Variants in KCTD8 observed in about 807,000 individuals in gnomAD.
KCTD8 encodes the protein potassium channel tetramerization domain containing 8.
KCTD8 carries 27 observed loss-of-function variants against 31.5 expected under a neutral mutation model. The observed-to-expected ratio is 0.86, with a 90% confidence interval of 0.63 to 1.18. KCTD8 has a LOEUF of 1.18. Ranked by LOEUF, KCTD8 falls within the 50% of genes most tolerant of loss-of-function variation. KCTD8 has a pLI of 0.00. For synonymous variants in KCTD8, 290 were observed against 280.0 expected, an observed-to-expected ratio of 1.04 and a Z score of -0.36; for missense variants, 658 against 647.7, an observed-to-expected ratio of 1.02 and a Z score of -0.17.
chr4:44,244,349 C>A (rs1423916634), intron 1 of KCTD8, among the ~76,000 whole-genome samples: 1 of 151,880 alleles, frequency 6.6e-6, no homozygotes, highest in Non-Finnish European at 1.5e-5. Flanking sequence ...GCAATGATAC[C>A]CCAAAGTATG....
At chr4:44,445,426 A>G (rs1721915201) in intron 1 of KCTD8, among the ~76,000 whole-genome samples, 1 of 152,204 alleles carries the variant, frequency 6.6e-6, no homozygotes, top group Admixed American at 6.5e-5. Flanking sequence ...GGTCATTAAT[A>G]ATATGAGTAC....
intron 1 of KCTD8, among the ~76,000 whole-genome samples, chr4:44,218,498 C>T (rs1714715077): frequency 6.6e-6 from 1 of 150,846 alleles, no homozygotes; most frequent in African/African-American, 2.4e-5. Flanking sequence ...GAGATGGATA[C>T]CCCATACTCC....
At chr4:44,187,585 C>T (rs562279549) in intron 1 of KCTD8, among the ~76,000 whole-genome samples, 1 of 152,184 alleles carries the variant, frequency 6.6e-6, no homozygotes, top group Admixed American at 6.5e-5. Flanking sequence ...CTTCTAATGA[C>T]CTTCTTTTTT....
intron 1 of KCTD8, among the ~76,000 whole-genome samples, chr4:44,381,684 G>A (rs936267207): frequency 6.6e-6 from 1 of 151,908 alleles, no homozygotes; most frequent in Non-Finnish European, 1.5e-5. Flanking sequence ...CCTCATGAAT[G>A]GCTTCATGTC....
chr4:44,384,976 G>C (rs1257161738), intron 1 of KCTD8, among the ~76,000 whole-genome samples: 1 of 143,570 alleles, frequency 7.0e-6, no homozygotes, highest in Admixed American at 6.9e-5. Flanking sequence ...TAGATGAGAA[G>C]AATATAGACC....
intron 1 of KCTD8, among the ~76,000 whole-genome samples, chr4:44,285,336 G>A (rs1280591001): frequency 6.6e-6 from 1 of 152,030 alleles, no homozygotes; most frequent in African/African-American, 2.4e-5. Flanking sequence ...CATGGATGAA[G>A]CTGGAAACCA....
chr4:44,184,488 A>C (rs1402954895), intron 1 of KCTD8, among the ~76,000 whole-genome samples: 1 of 152,152 alleles, frequency 6.6e-6, no homozygotes, highest in Non-Finnish European at 1.5e-5. Flanking sequence ...ACATGGTCAT[A>C]TTCCTTTTTT....
At chr4:44,197,616 A>G (rs2109337774) in intron 1 of KCTD8, among the ~76,000 whole-genome samples, 1 of 152,284 alleles carries the variant, frequency 6.6e-6, no homozygotes, top group Admixed American at 6.5e-5. Flanking sequence ...ACAAATAAAG[A>G]TCCTGTACAG....
chr4:44,182,472 TG>T (rs1156432543), intron 1 of KCTD8, among the ~76,000 whole-genome samples: 3 of 152,262 alleles, frequency 2.0e-5, no homozygotes, highest in African/African-American at 7.2e-5. Context: ...GGGATTCCGT[TG>T]ATCTATGACC....
chr4:44,342,648 C>A (rs1718933281), intron 1 of KCTD8, among the ~76,000 whole-genome samples: 1 of 152,212 alleles, frequency 6.6e-6, no homozygotes. Context: ...TTTACTTCTC[C>A]TTCCTAGCTA....
intron 1 of KCTD8, among the ~76,000 whole-genome samples, chr4:44,373,121 T>C (rs1719832325): frequency 6.6e-6 from 1 of 152,092 alleles, no homozygotes; most frequent in Non-Finnish European, 1.5e-5. Context: ...TCCCAGCACT[T>C]TGGGAGGCCG....
intron 1 of KCTD8, among the ~76,000 whole-genome samples, chr4:44,316,779 T>C (rs1424611168): frequency 9.8e-6 from 1 of 102,228 alleles, no homozygotes; most frequent in African/African-American, 3.9e-5. Context: ...TGAAACCCCA[T>C]CTCTACTAAA....
rs1023397820 is a variant in KCTD8, at chr4:44,392,429, A to T, written c.961+55134T>A. Reference sequence around the variant, plus strand: ...AAACACAAATTCAGCTTGTGGGTTAAGATTTAAACTGTCATTCCATAGTTT... The same window carrying T: ...AAACACAAATTCAGCTTGTGGGTTATGATTTAAACTGTCATTCCATAGTTT... On this transcript the variant is annotated intron_variant, in intron 1 of 1. Coordinates refer to ENST00000360029, the MANE Select transcript of KCTD8 (RefSeq NM_198353.3). Among the ~76,000 whole-genome samples, 53 of 152,030 alleles carry T rather than the reference A, an allele frequency of 3.5e-4. 1 individual carries two copies. The highest frequency in any genetic ancestry group is 2.6e-3 in the Admixed American group (39 of 15,212).
At chr4:44,405,547 C>T (rs994261253) in intron 1 of KCTD8, among the ~76,000 whole-genome samples, 7 of 151,912 alleles carry the variant, frequency 4.6e-5, no homozygotes, top group South Asian at 2.1e-4. Flanking sequence ...AGATTACAGG[C>T]GTGAGCCACC....
chr4:44,209,160 T>A (rs2109342729), intron 1 of KCTD8, among the ~76,000 whole-genome samples: 1 of 152,270 alleles, frequency 6.6e-6, no homozygotes, highest in East Asian at 1.9e-4. Context: ...AAATGGGGTT[T>A]TCTGAAGGGA....
chr4:44,284,947 G>C (rs1717021434), intron 1 of KCTD8, among the ~76,000 whole-genome samples: 1 of 152,254 alleles, frequency 6.6e-6, no homozygotes, highest in East Asian at 1.9e-4. Flanking sequence ...AGTTAGAATG[G>C]TGATCATTAA....
intron 1 of KCTD8, among the ~76,000 whole-genome samples, chr4:44,383,559 T>C (rs1720130752): frequency 6.6e-6 from 1 of 151,900 alleles, no homozygotes; most frequent in Non-Finnish European, 1.5e-5. Flanking sequence ...GAATGTACAA[T>C]GGGGAAAGGA....
At chr4:44,317,321 G>A (rs1243452428) in intron 1 of KCTD8, among the ~76,000 whole-genome samples, 1 of 120,838 alleles carries the variant, frequency 8.3e-6, no homozygotes, top group Non-Finnish European at 1.6e-5. Flanking sequence ...CTCACTGCAA[G>A]CTCCGCTTCC....
At position 44,223,149 on chromosome 4, in the gene KCTD8, C is replaced by A. The variant is rs943183297; in HGVS notation, c.962-47899G>T. ...TTAAAAATATAATTTGAAGGTAGGCCCCAGAAAAACGTCTGAAGACTTGGA... is the reference window on the plus strand; with the variant it reads ...TTAAAAATATAATTTGAAGGTAGGCACCAGAAAAACGTCTGAAGACTTGGA... On this transcript the variant is annotated intron_variant, in intron 1 of 1. Transcript: ENST00000360029. Among the ~76,000 whole-genome samples, 73 of 152,096 alleles carry A rather than the reference C, an allele frequency of 4.8e-4. No individual in the cohort carries two copies. The Middle Eastern group carries it at 0.014, about 28-fold the overall frequency.
Sources: allele counts gnomAD v4.1 joint callset (sites outside exome capture counted in the v4.1 genomes callset), GRCh38; gene constraint gnomAD v4.1.1; transcripts MANE v1.5; gene names NCBI Gene and HGNC (gene_info 2026-07-23, HGNC 2026-07-21).